VPS13C: variants seen among roughly 807,000 people sequenced by gnomAD.
The protein encoded by VPS13C is vacuolar protein sorting 13 homolog C, also known as intermembrane lipid transfer protein VPS13C.
In VPS13C, 358 loss-of-function variants were observed where a neutral mutation model predicts 456.8. The ratio of observed to expected loss-of-function variants is 0.78; its 90% CI spans 0.72 to 0.86. VPS13C has a LOEUF of 0.86. Ranked by LOEUF, VPS13C falls within the 40% of genes least tolerant of loss-of-function variation. The pLI is 0.00. For missense variants in VPS13C, 4,818 were observed against 4,385.4 expected (o/e 1.10, Z -2.79); for synonymous variants, 1,578 against 1,486.7 (o/e 1.06, Z -1.41).
intron 3 of VPS13C, 77 bp from the exon 4 acceptor site, chr15:62,035,129 C>A: frequency 9.8e-7 from 1 of 1,018,962 alleles, no homozygotes; most frequent in South Asian, 1.6e-5. Flanking sequence ...TTCCATTAAG[C>A]GAAAAAGCAT....
Position 61,947,321 on chromosome 15 carries a change from T to G in VPS13C, c.4760-12A>C, listed in dbSNP as rs778220845. On this transcript the variant is annotated splice_polypyrimidine_tract_variant and intron_variant, in intron 42 of 84. Coordinates refer to ENST00000644861, the MANE Select transcript of VPS13C (RefSeq NM_020821.3). ...AATGTTGCTGGATACTAAAAAATAA[T>G]AGAAACCTTCTGATGAGCAAAGGGA... 6.3e-7 allele frequency: 1 copy of G among 1,578,342 alleles called. No homozygotes were observed.
chr15:61,947,328 C>T lies in VPS13C; in HGVS notation c.4760-19G>A. The T allele has an allele frequency of 1.3e-6, 2 of 1,550,108 alleles. No homozygotes were observed. Among genetic ancestry groups the T allele is most frequent in the South Asian group, 2.3e-5 (2 of 87,456 alleles). On this transcript the variant is annotated intron_variant, in intron 42 of 84. Coordinates refer to ENST00000644861, the MANE Select transcript of VPS13C (RefSeq NM_020821.3). ...CTGGATACTAAAAAATAATAGAAAC[C>T]TTCTGATGAGCAAAGGGAAAAGATA...
At chr15:61,972,580 A>G (rs1291976960) in intron 27 of VPS13C, 45 bp downstream of exon 27, 1 of 1,592,812 alleles carries the variant, frequency 6.3e-7, no homozygotes. Context: ...CTTACAAGAT[A>G]GTGACAGCCA....
chr15:62,029,546 T>C (rs76033798), intron 5 of VPS13C, among the ~76,000 whole-genome samples: 1 of 152,224 alleles, frequency 6.6e-6, no homozygotes, highest in East Asian at 1.9e-4. Context: ...CCTGATCTCT[T>C]TGGCCGACTA....
At chr15:61,907,017 G>C in intron 66 of VPS13C, 1 of 386,238 alleles carries the variant, frequency 2.6e-6, no homozygotes, top group Non-Finnish European at 4.7e-6. Context: ...TAATTAAAAA[G>C]GTGCTTTACA....
At position 61,975,248 on chromosome 15, in the gene VPS13C, A is replaced by G. The variant is rs2045670524; in HGVS notation, c.2409-831T>C. ...AGGACTGAAAAGCAAACGAAATCCAAAGTAAGTAAAAGAAAGAAATAATAA... is the reference window on the plus strand; with the variant it reads ...AGGACTGAAAAGCAAACGAAATCCAGAGTAAGTAAAAGAAAGAAATAATAA... On this transcript the variant is annotated intron_variant, in intron 24 of 84. Transcript: ENST00000644861. 2.0e-5 allele frequency among the ~76,000 whole-genome samples: 3 copies of G among 152,074 alleles called. No homozygotes were observed. The South Asian group carries it at 6.2e-4, about 31-fold the overall frequency.
chr15:62,002,437 A>G (rs1348361754), intron 15 of VPS13C, among the ~76,000 whole-genome samples: 1 of 152,128 alleles, frequency 6.6e-6, no homozygotes, highest in Non-Finnish European at 1.5e-5. Context: ...TTAGATGAGT[A>G]GGTTGCGAAA....
chr15:62,038,265 A>G (rs1383312378), intron 3 of VPS13C, among the ~76,000 whole-genome samples: 1 of 152,194 alleles, frequency 6.6e-6, no homozygotes, highest in Non-Finnish European at 1.5e-5. Flanking sequence ...CAAATGCAAG[A>G]AAAACAAATT....
intron 63 of VPS13C, among the ~76,000 whole-genome samples, chr15:61,911,092 C>A (rs967632270): frequency 6.6e-6 from 1 of 152,120 alleles, no homozygotes; most frequent in Admixed American, 6.6e-5. Context: ...ACTTTAGAAT[C>A]TTTCTTTAAA....
chr15:62,037,281 AT>A (rs1416391047), intron 3 of VPS13C, among the ~76,000 whole-genome samples: 4 of 47,292 alleles, frequency 8.5e-5, no homozygotes, highest in African/African-American at 2.6e-4. Context: ...ATAATATATT[AT>A]ATATATTATA....
At position 61,913,370 on chromosome 15, in the gene VPS13C, A is replaced by T; in HGVS notation, c.8491T>A (p.Leu2831Met). ...CACCCATAACTTCCCACTGTATCCA[A>T]TGAGAAACTACTGGACCAGGCACTG... ...STSAWSSSFS[L>M]DTVGSYGCVK... The change falls in exon 62 of 85, where the codon TTG (leucine) becomes ATG (methionine). Residue 2831 changes from leucine (L) to methionine (M), a missense_variant. Around this residue, in one of 3 missense-constraint regions of VPS13C, gnomAD observed 4,552 missense variants for 4,130.6 expected, o/e 1.10. Transcript: ENST00000644861. 6.2e-7 allele frequency: 1 copy of T among 1,614,106 alleles called. No homozygotes were observed. Among genetic ancestry groups the T allele is most frequent in the Non-Finnish European group, 8.5e-7 (1 of 1,179,988 alleles).
At chr15:61,856,261 C>T (rs747188090) in intron 83 of VPS13C, 25 bp downstream of exon 83, 2 of 1,611,898 alleles carry the variant, frequency 1.2e-6, no homozygotes, top group South Asian at 1.1e-5. Context: ...ACTCTTAGCT[C>T]TAAAGGTGTG....
chr15:61,875,835 T>A lies in VPS13C; in HGVS notation c.10235A>T (p.Gln3412Leu). ...TAACCCCAATACAAGGACATACATC[T>A]GTTTCAAGAACTAAAAAAGAAAAAA... ...VRHYSEQFLKQMYVLVLGLDV... is the reference protein window; with the variant it reads ...VRHYSEQFLKLMYVLVLGLDV... Residue 3412 changes from glutamine to leucine, a missense_variant, in exon 76 of 85, where the codon CAG (glutamine) becomes CTG (leucine). Transcript: ENST00000644861. 1 of 1,577,464 alleles carries A rather than the reference T, an allele frequency of 6.3e-7. No homozygotes were observed.
intron 1 of VPS13C, among the ~76,000 whole-genome samples, chr15:62,052,164 A>C (rs1480253919): frequency 6.6e-6 from 1 of 152,220 alleles, no homozygotes; most frequent in African/African-American, 2.4e-5. Flanking sequence ...TAATCCATGA[A>C]ACTAGCTTTG....
intron 38 of VPS13C, 95 bp downstream of exon 38, chr15:61,954,326 T>C (rs973259190): frequency 7.3e-7 from 1 of 1,369,838 alleles, no homozygotes; most frequent in African/African-American, 1.5e-5. Context: ...TAGATTTTTT[T>C]CATCAGTATC....
At position 61,927,240 on chromosome 15, in the gene VPS13C, C is replaced by T; in HGVS notation, c.6367G>A (p.Ala2123Thr). 1 of 1,614,182 alleles carries T rather than the reference C, an allele frequency of 6.2e-7. No individual in the cohort carries two copies. Among genetic ancestry groups the T allele is most frequent in the Middle Eastern group, 1.6e-4 (1 of 6,062 alleles). ...GAGGCTGTCAGAGCAGGAGCATCAGCCTTTGTCAGGCTGGCAACAAATACC... is the reference window on the plus strand; with the variant it reads ...GAGGCTGTCAGAGCAGGAGCATCAGTCTTTGTCAGGCTGGCAACAAATACC... ...EVVFVASLTK[A>T]DAPALTASFQ... Residue 2123 changes from alanine (A) to threonine (T), a missense_variant, in exon 52 of 85, where the codon GCT (alanine) becomes ACT (threonine). Ala to Thr is a moderately conservative substitution (Grantham distance 58). This residue lies in a region of VPS13C where 4,552 missense variants were observed against 4,130.6 expected (regional missense o/e 1.10). Transcript: ENST00000644861.
intron 55 of VPS13C, 115 bp from the exon 56 acceptor site, chr15:61,920,762 T>C: frequency 1.1e-6 from 1 of 905,804 alleles, no homozygotes. Context: ...TTCGCAAAAG[T>C]CTTATTTTCA....
chr15:62,028,934 C>T (rs1042656629), intron 5 of VPS13C, among the ~76,000 whole-genome samples: 1 of 152,036 alleles, frequency 6.6e-6, no homozygotes, highest in African/African-American at 2.4e-5. Context: ...TTCTACTTCG[C>T]TCTCCAAATC....
At chr15:61,873,860 G>A (rs570259823) in intron 77 of VPS13C, among the ~76,000 whole-genome samples, 2 of 152,018 alleles carry the variant, frequency 1.3e-5, no homozygotes, top group Admixed American at 6.6e-5. Flanking sequence ...ATCAAGAGAT[G>A]TCTGCACTCC....
Sources: allele counts gnomAD v4.1 joint callset (sites outside exome capture counted in the v4.1 genomes callset), GRCh38; gene constraint gnomAD v4.1.1; regional missense constraint gnomAD v4.1.1; transcripts MANE v1.5; gene names NCBI Gene and HGNC (gene_info 2026-07-23, HGNC 2026-07-21).